The following TENT5C variants were observed in gnomAD, a reference collection of about 807,000 sequenced individuals.
TENT5C encodes the protein terminal nucleotidyltransferase 5C.
TENT5C carries 5 observed loss-of-function variants against 22.2 expected under a neutral mutation model. The ratio of observed to expected loss-of-function variants is 0.22; its 90% CI spans 0.12 to 0.47. The LOEUF is 0.47. TENT5C is among the 20% of genes least tolerant of loss of function. The pLI, the probability that TENT5C is intolerant of heterozygous loss-of-function variation, is 0.99. For missense variants in TENT5C, 364 were observed against 500.9 expected (o/e 0.73, Z 2.61); for synonymous variants, 199 against 195.4 (o/e 1.02, Z -0.15).
chr1:117,608,334 C>G (rs1447068004), intron 1 of TENT5C, among the ~76,000 whole-genome samples: 1 of 152,196 alleles, frequency 6.6e-6, no homozygotes, highest in Non-Finnish European at 1.5e-5. Flanking sequence ...GGTTTCTTCT[C>G]TTGTACCGTG....
At chr1:117,612,196 C>T (rs1653683113) in intron 1 of TENT5C, among the ~76,000 whole-genome samples, 1 of 152,172 alleles carries the variant, frequency 6.6e-6, no homozygotes, top group African/African-American at 2.4e-5. Flanking sequence ...TCACAAGCTC[C>T]TGGAGCAGTG....
intron 1 of TENT5C, among the ~76,000 whole-genome samples, chr1:117,618,698 T>C (rs1653836254): frequency 1.3e-5 from 2 of 152,212 alleles, no homozygotes; most frequent in South Asian, 4.1e-4. Flanking sequence ...GTTTTAATTT[T>C]TCTTCAACTA....
At chr1:117,618,050 T>C (rs374585568) in intron 1 of TENT5C, among the ~76,000 whole-genome samples, 19 of 152,348 alleles carry the variant, frequency 1.2e-4, no homozygotes, top group African/African-American at 4.3e-4. Flanking sequence ...ATGTAAATCA[T>C]GGTAAATTGA....
rs755549163 is a variant in TENT5C, at chr1:117,623,039, T to A, written c.171T>A (p.Ser57Arg). Reference sequence around the variant, plus strand: ...AGGACATCGTCCAGACCGTCCGCAGTCGGCTGGAGGAGGCAGGCATCAAAG... The same window carrying A: ...AGGACATCGTCCAGACCGTCCGCAGACGGCTGGAGGAGGCAGGCATCAAAG... ...TLKDIVQTVR[S>R]RLEEAGIKVH... Residue 57 changes from serine (S) to arginine (R), a missense_variant, in exon 2 of 2, where the codon AGT becomes AGA. Coordinates refer to ENST00000369448, the MANE Select transcript of TENT5C (RefSeq NM_017709.4). 3 of 1,614,062 alleles carry A rather than the reference T, an allele frequency of 1.9e-6. No individual in the cohort carries two copies. The highest frequency in any genetic ancestry group is 3.3e-5 in the Admixed American group (2 of 60,006).
At chr1:117,622,271 G>A (rs1362513984) in intron 1 of TENT5C, among the ~76,000 whole-genome samples, 1 of 151,810 alleles carries the variant, frequency 6.6e-6, no homozygotes, top group Non-Finnish European at 1.5e-5. Flanking sequence ...TGGTGAGATT[G>A]TAGCCCAAAG....
At position 117,627,743 on chromosome 1, in the gene TENT5C, G is replaced by C. The variant is rs1018959290; in HGVS notation, c.*3699G>C. 3.2e-5 allele frequency: 8 copies of C among 247,884 alleles called. No homozygotes were observed. The highest frequency in any genetic ancestry group is 6.0e-5 in the East Asian group (1 of 16,610). 15.4% of individuals were successfully genotyped at this position (247,884 alleles called of 1,614,324 possible). ...AGTTAAAATCAGAGGACCAAGTCGTGGGGGAGGGGGGCGGTGTTGAGGAGA... is the reference window on the plus strand; with the variant it reads ...AGTTAAAATCAGAGGACCAAGTCGTCGGGGAGGGGGGCGGTGTTGAGGAGA... On this transcript the variant is annotated 3_prime_UTR_variant, in exon 2 of 2. Coordinates refer to ENST00000369448, the MANE Select transcript of TENT5C (RefSeq NM_017709.4).
At chr1:117,612,104 A>G (rs1437450267) in intron 1 of TENT5C, among the ~76,000 whole-genome samples, 5 of 152,178 alleles carry the variant, frequency 3.3e-5, no homozygotes, top group African/African-American at 7.2e-5. Flanking sequence ...AGATTTAACA[A>G]CCCAAAGTTA....
chr1:117,628,196 A>G lies in TENT5C; in HGVS notation c.*4152A>G, dbSNP rs1042711436. On this transcript the variant is annotated 3_prime_UTR_variant, in exon 2 of 2. Coordinates refer to ENST00000369448, the MANE Select transcript of TENT5C (RefSeq NM_017709.4). ...GACTAAATTGAAAGCTTTTTGTTCT[A>G]TATTTGCATAGCCTTTGAAATATTT... 1.2e-5 allele frequency: 3 copies of G among 247,742 alleles called. No homozygotes were observed. Among genetic ancestry groups the G allele is most frequent in the Non-Finnish European group, 2.5e-5 (3 of 117,874 alleles). 15.3% of individuals were successfully genotyped at this position (247,742 alleles called of 1,614,324 possible).
rs1486385612 is a variant in TENT5C at position 117,624,115 on chromosome 1, T to G, written c.*71T>G. The G allele has an allele frequency of 3.7e-6, 5 of 1,335,346 alleles. No homozygotes were observed. In the Middle Eastern group the frequency reaches 5.8e-4, roughly 155 times the overall value. The allele number at this position is 1,335,346 out of a possible 1,614,324, so 82.7% of individuals were successfully genotyped here. The stretch of plus-strand genomic sequence containing the variant: ...GGGCTCTCAGGTAGGGGAGCCTCCT[T>G]CTAGATGTAGGCATTTGGCTTTTAA... On this transcript the variant is annotated 3_prime_UTR_variant, in exon 2 of 2. Transcript: ENST00000369448.
intron 1 of TENT5C, among the ~76,000 whole-genome samples, chr1:117,613,996 T>C (rs917131028): frequency 6.6e-6 from 1 of 152,194 alleles, no homozygotes; most frequent in Admixed American, 6.5e-5. Context: ...AAGTAAAGCA[T>C]TATTTTATCT....
intron 1 of TENT5C, among the ~76,000 whole-genome samples, chr1:117,621,129 T>C (rs935520449): frequency 6.6e-5 from 10 of 152,108 alleles, no homozygotes; most frequent in Non-Finnish European, 1.5e-5. Flanking sequence ...CTAGATAGCC[T>C]AGGACTTTTT....
chr1:117,624,309 C>CT lies in TENT5C; in HGVS notation c.*266dup. The CT allele has an allele frequency of 4.3e-6, 2 of 467,648 alleles. No individual in the cohort carries two copies. The highest frequency in any genetic ancestry group is 3.9e-6 in the Non-Finnish European group (1 of 256,924). 29.0% of individuals were successfully genotyped at this position (467,648 alleles called of 1,614,324 possible). A position where few individuals can be genotyped will look rare whatever the true frequency, so the allele number is the denominator to read the frequency against. On this transcript the variant is annotated 3_prime_UTR_variant, in exon 2 of 2. Coordinates refer to ENST00000369448, the MANE Select transcript of TENT5C (RefSeq NM_017709.4). Reference sequence around the variant, plus strand: ...TATCCACATCTTTCCAAGATAGACACTAACATGTCATGTCCCAAACATTAG... The same window carrying CT: ...TATCCACATCTTTCCAAGATAGACACTTAACATGTCATGTCCCAAACATTAG...
chr1:117,621,572 G>A (rs186212444), intron 1 of TENT5C, among the ~76,000 whole-genome samples: 3 of 152,264 alleles, frequency 2.0e-5, no homozygotes, highest in Admixed American at 6.5e-5. Context: ...AGAAATCCAT[G>A]TTGGAACCCC....
intron 1 of TENT5C, among the ~76,000 whole-genome samples, chr1:117,611,510 C>G (rs1242541440): frequency 3.3e-5 from 5 of 152,052 alleles, no homozygotes; most frequent in Non-Finnish European, 7.4e-5. Context: ...ATGAGAGACA[C>G]GATTAACTTC....
intron 1 of TENT5C, among the ~76,000 whole-genome samples, chr1:117,621,325 A>T (rs1653890824): frequency 6.6e-6 from 1 of 152,038 alleles, no homozygotes; most frequent in Non-Finnish European, 1.5e-5. Context: ...CCCTCTCCAT[A>T]AGTGAACTCC....
chr1:117,607,440 A>G (rs974884931), intron 1 of TENT5C, among the ~76,000 whole-genome samples: 1 of 152,232 alleles, frequency 6.6e-6, no homozygotes, highest in Non-Finnish European at 1.5e-5. Flanking sequence ...GAAAGCTTTT[A>G]TAAATACTAT....
intron 1 of TENT5C, among the ~76,000 whole-genome samples, chr1:117,620,089 A>T (rs947285021): frequency 6.6e-6 from 1 of 152,180 alleles, no homozygotes; most frequent in African/African-American, 2.4e-5. Context: ...AACCCTGTGT[A>T]CTTCCCCCCA....
chr1:117,611,041 G>A (rs1294787479), intron 1 of TENT5C, among the ~76,000 whole-genome samples: 1 of 152,178 alleles, frequency 6.6e-6, no homozygotes, highest in African/African-American at 2.4e-5. Flanking sequence ...AGATAGAAGA[G>A]GTAACCCTCC....
rs1279927757 is a variant in TENT5C, at chr1:117,622,931, G to C, written c.63G>C (p.Gln21His). The C allele has an allele frequency of 6.2e-7, 1 of 1,614,100 alleles. No homozygotes were observed. Among genetic ancestry groups the C allele is most frequent in the Non-Finnish European group, 8.5e-7 (1 of 1,180,050 alleles). ...CMSFSVLNWD[Q>H]VSRLHEVLTE... ...CCTTCAGCGTGCTCAACTGGGATCAGGTTAGCCGGCTGCATGAGGTCCTCA... is the reference window on the plus strand; with the variant it reads ...CCTTCAGCGTGCTCAACTGGGATCACGTTAGCCGGCTGCATGAGGTCCTCA... Residue 21 changes from glutamine (Q) to histidine (H), a missense_variant, in exon 2 of 2, where the codon CAG (glutamine) becomes CAC (histidine). Physicochemically the swap from Gln to His is conservative, Grantham distance 24 (BLOSUM62 0). Coordinates refer to ENST00000369448, the MANE Select transcript of TENT5C (RefSeq NM_017709.4).
Sources: allele counts gnomAD v4.1 joint callset (sites outside exome capture counted in the v4.1 genomes callset), GRCh38; gene constraint gnomAD v4.1.1; transcripts MANE v1.5; gene names NCBI Gene and HGNC (gene_info 2026-07-23, HGNC 2026-07-21).